NCOA1: variants seen among roughly 807,000 people sequenced by gnomAD.
The protein encoded by NCOA1 is nuclear receptor coactivator 1.
A neutral mutation model predicts 150.9 loss-of-function variants in NCOA1; 35 were observed. The ratio of observed to expected loss-of-function variants is 0.23; its 90% CI spans 0.18 to 0.31. NCOA1 has a LOEUF of 0.31. NCOA1 is among the 10% of genes least tolerant of loss of function. The pLI is 1.00. For missense variants in NCOA1, 1,491 were observed against 1,749.3 expected (o/e 0.85, Z 2.63); for synonymous variants, 590 against 630.0 (o/e 0.94, Z 0.95).
intron 1 of NCOA1, among the ~76,000 whole-genome samples, chr2:24,538,416 T>C (rs919219180): frequency 6.6e-6 from 1 of 152,208 alleles, no homozygotes; most frequent in Non-Finnish European, 1.5e-5. Context: ...GAGTAAGTCA[T>C]TGAAATTGAA....
intron 8 of NCOA1, among the ~76,000 whole-genome samples, chr2:24,684,465 G>C (rs892765345): frequency 2.2e-4 from 33 of 152,096 alleles, no homozygotes; most frequent in African/African-American, 7.5e-4. Context: ...ATGACTATTT[G>C]GGTTCCCCCA....
intron 3 of NCOA1, among the ~76,000 whole-genome samples, chr2:24,638,206 T>TA (rs1553440616): frequency 1.4e-5 from 2 of 145,360 alleles, no homozygotes; most frequent in East Asian, 2.0e-4. Context: ...TTTTTTTTTT[T>TA]AGCTTTCACA....
intron 1 of NCOA1, among the ~76,000 whole-genome samples, chr2:24,495,115 T>TTTA (rs1275116255): frequency 6.6e-6 from 1 of 150,382 alleles, no homozygotes; most frequent in Admixed American, 6.6e-5. Flanking sequence ...TTTTTTTTTT[T>TTTA]AATAGCTTAG....
chr2:24,595,871 A>G (rs1667864403), intron 3 of NCOA1, among the ~76,000 whole-genome samples: 1 of 152,132 alleles, frequency 6.6e-6, no homozygotes, highest in Non-Finnish European at 1.5e-5. Context: ...TGAAGTGTTA[A>G]TGTGATACTG....
At chr2:24,649,342 C>T (rs1179923823) in intron 4 of NCOA1, among the ~76,000 whole-genome samples, 1 of 152,144 alleles carries the variant, frequency 6.6e-6, no homozygotes, top group Non-Finnish European at 1.5e-5. Context: ...TGTACGCCTG[C>T]AAGTAAATAT....
chr2:24,691,566 G>A lies in NCOA1; in HGVS notation c.618G>A (p.Glu206=). 4 of 1,614,132 alleles carry A rather than the reference G, an allele frequency of 2.5e-6. No individual in the cohort carries two copies. Among genetic ancestry groups the A allele is most frequent in the African/African-American group, 2.7e-5 (2 of 75,044 alleles). Reference sequence around the variant, plus strand: ...GGATGCTAATTCACCCTCCAGATGAGCCAGGGACCGAGAACCAAGAAGCTT... The same window carrying A: ...GGATGCTAATTCACCCTCCAGATGAACCAGGGACCGAGAACCAAGAAGCTT... The part of the protein sequence containing the change: ...NCRMLIHPPD[E]PGTENQEACQ... Residue 206 remains glutamate (E), a synonymous_variant, in exon 9 of 23, where the codon GAG becomes GAA. Coordinates refer to ENST00000348332, the MANE Select transcript of NCOA1 (RefSeq NM_003743.5).
chr2:24,747,188 G>C (rs1432179114), intron 19 of NCOA1, among the ~76,000 whole-genome samples: 1 of 152,086 alleles, frequency 6.6e-6, no homozygotes, highest in Admixed American at 6.5e-5. Flanking sequence ...AATGTGAGAT[G>C]AAGCCAGAAA....
chr2:24,759,278 A>G (rs1325801763), intron 21 of NCOA1, among the ~76,000 whole-genome samples: 1 of 152,214 alleles, frequency 6.6e-6, no homozygotes, highest in African/African-American at 2.4e-5. Context: ...GAGGGCTTAA[A>G]AGAAAAAAGG....
intron 14 of NCOA1, among the ~76,000 whole-genome samples, chr2:24,721,778 T>A (rs568949991): frequency 2.4e-4 from 36 of 152,246 alleles, no homozygotes; most frequent in Non-Finnish European, 4.3e-4. Context: ...AGCCTGGAGT[T>A]GTTCTGGTGT....
At chr2:24,504,092 G>A (rs1386344399) in intron 1 of NCOA1, among the ~76,000 whole-genome samples, 1 of 151,018 alleles carries the variant, frequency 6.6e-6, no homozygotes, top group African/African-American at 2.5e-5. Flanking sequence ...ATAGTAGATG[G>A]AGACTTGTAC....
intron 3 of NCOA1, among the ~76,000 whole-genome samples, chr2:24,628,783 G>A (rs1669545082): frequency 6.6e-6 from 1 of 152,138 alleles, no homozygotes; most frequent in Admixed American, 6.5e-5. Context: ...TTGTAGGGAA[G>A]GCCTTAGAGT....
chr2:24,576,184 T>G (rs1287667473), intron 2 of NCOA1, among the ~76,000 whole-genome samples: 20 of 119,968 alleles, frequency 1.7e-4, no homozygotes, highest in African/African-American at 5.8e-4. Flanking sequence ...TTTTTTTTTT[T>G]TTTTTTTGTT....
At chr2:24,551,833 C>CTTTTGT (rs577208668) in intron 1 of NCOA1, among the ~76,000 whole-genome samples, 5 of 152,002 alleles carry the variant, frequency 3.3e-5, no homozygotes, top group South Asian at 4.1e-4. Flanking sequence ...TGGGTTGAGG[C>CTTTTGT]TTTTGTTTTT....
intron 3 of NCOA1, among the ~76,000 whole-genome samples, chr2:24,626,644 G>A (rs935033311): frequency 6.6e-6 from 1 of 152,158 alleles, no homozygotes; most frequent in East Asian, 1.9e-4. Context: ...ATGTTACCTG[G>A]ATATCTAAAT....
intron 2 of NCOA1, among the ~76,000 whole-genome samples, chr2:24,581,739 C>T (rs1667202900): frequency 1.3e-5 from 2 of 152,196 alleles, no homozygotes; most frequent in South Asian, 2.1e-4. Flanking sequence ...AAACTGAATC[C>T]AACAGCACAT....
At chr2:24,604,590 A>G (rs950185410) in intron 3 of NCOA1, among the ~76,000 whole-genome samples, 2 of 152,204 alleles carry the variant, frequency 1.3e-5, no homozygotes, top group African/African-American at 4.8e-5. Flanking sequence ...GTTAGCTTCA[A>G]ACTTCTGCAG....
chr2:24,673,519 G>T (rs1157559621), intron 7 of NCOA1, 56 bp downstream of exon 7: 6 of 1,255,550 alleles, frequency 4.8e-6, no homozygotes, highest in East Asian at 5.1e-5. Context: ...AGCCAGTTTG[G>T]TTTTTTCTTT....
intron 8 of NCOA1, among the ~76,000 whole-genome samples, chr2:24,689,789 G>A (rs1672579159): frequency 6.6e-6 from 1 of 152,174 alleles, no homozygotes; most frequent in Non-Finnish European, 1.5e-5. Context: ...TGAGAAGAGA[G>A]CTCTAAAAAT....
intron 1 of NCOA1, among the ~76,000 whole-genome samples, chr2:24,560,133 A>G (rs576189194): frequency 2.0e-5 from 3 of 152,278 alleles, no homozygotes; most frequent in African/African-American, 7.2e-5. Flanking sequence ...AAATCTTGCA[A>G]CTGAGAGAAC....
Sources: allele counts gnomAD v4.1 joint callset (sites outside exome capture counted in the v4.1 genomes callset), GRCh38; gene constraint gnomAD v4.1.1; transcripts MANE v1.5; gene names NCBI Gene and HGNC (gene_info 2026-07-23, HGNC 2026-07-21).